Variants in SYN3 observed in about 807,000 individuals in gnomAD.
The protein encoded by SYN3 is synapsin-3.
Under a neutral mutation model 65.8 loss-of-function variants are expected in SYN3, and 35 were observed. That is an observed-to-expected ratio of 0.53 (90% confidence interval 0.41 to 0.70). The LOEUF (loss-of-function observed/expected upper bound fraction) is 0.70, where lower values mean the gene tolerates loss of function less well. Ranked by LOEUF, SYN3 falls within the 30% of genes least tolerant of loss-of-function variation. The pLI is 0.00. For missense variants in SYN3, 680 were observed against 749.0 expected (o/e 0.91, Z 1.08); for synonymous variants, 270 against 292.9 (o/e 0.92, Z 0.80).
intron 6 of SYN3, among the ~76,000 whole-genome samples, chr22:32,777,396 A>T (rs201535979): frequency 4.8e-4 from 7 of 14,590 alleles, no homozygotes; most frequent in African/African-American, 2.5e-3. Context: ...CTTTTTTTTT[A>T]ATCCAATTAT....
intron 6 of SYN3, among the ~76,000 whole-genome samples, chr22:32,814,808 T>C (rs1050500156): frequency 6.6e-6 from 1 of 152,204 alleles, no homozygotes; most frequent in Non-Finnish European, 1.5e-5. Flanking sequence ...AAAAACTAGA[T>C]TGATATTGCT....
Position 32,519,767 on chromosome 22 carries a change from C to T in SYN3, c.1319-1433G>A, listed in dbSNP as rs566526736. On this transcript the variant is annotated intron_variant, in intron 12 of 13. Transcript: ENST00000358763. ...ATTTTGCCAAAGCCGACTGGCTGCCCGTAGGTCTCTTCTCCCTACGACATG... is the reference window on the plus strand; with the variant it reads ...ATTTTGCCAAAGCCGACTGGCTGCCTGTAGGTCTCTTCTCCCTACGACATG... 9 of 152,364 alleles carry T rather than the reference C, an allele frequency of 5.9e-5. No individual in the cohort carries two copies. In the South Asian group the frequency reaches 1.7e-3, roughly 28 times the overall value. The allele number at this position is 152,364 out of a possible 1,614,324, so 9.4% of individuals were successfully genotyped here.
At chr22:32,780,983 T>TTTCCTTCCC (rs2046040743) in intron 6 of SYN3, among the ~76,000 whole-genome samples, 1 of 78,136 alleles carries the variant, frequency 1.3e-5, no homozygotes, top group Non-Finnish European at 2.7e-5. Context: ...CCTTCCCTCC[T>TTTCCTTCCC]TCCTTCCTCT....
chr22:32,573,801 G>A (rs1053521424), intron 7 of SYN3, among the ~76,000 whole-genome samples: 3 of 140,168 alleles, frequency 2.1e-5, no homozygotes, highest in South Asian at 2.3e-4. Context: ...ACAGAGTCTC[G>A]CTGTGTCGCC....
chr22:32,596,574 C>T (rs1258315871), intron 7 of SYN3, 100 bp downstream of exon 7: 2 of 1,234,112 alleles, frequency 1.6e-6, no homozygotes, highest in African/African-American at 1.5e-5. Context: ...TTCTGGGTGC[C>T]TGTGCTAAGG....
intron 6 of SYN3, among the ~76,000 whole-genome samples, chr22:32,747,678 A>G (rs1268547326): frequency 6.6e-6 from 1 of 152,192 alleles, no homozygotes; most frequent in Non-Finnish European, 1.5e-5. Context: ...TGAGCTCTGA[A>G]CCACCCACCA....
Position 32,777,796 on chromosome 22 carries a change from CT to C in SYN3, c.711+87118del, listed in dbSNP as rs904494826. Among the ~76,000 whole-genome samples, 16 of 151,930 alleles carry C rather than the reference CT, an allele frequency of 1.1e-4. No individual in the cohort carries two copies. The East Asian group carries it at 1.5e-3, about 15-fold the overall frequency. On this transcript the variant is annotated intron_variant, in intron 6 of 13. Coordinates refer to ENST00000358763, the MANE Select transcript of SYN3 (RefSeq NM_003490.4). Reference sequence around the variant, plus strand: ...ACTTAGTATTTTCTTTGAATTAACTCTTTTTTTTGTCTTACTTAAATGCTAG... The same window carrying C: ...ACTTAGTATTTTCTTTGAATTAACTCTTTTTTTGTCTTACTTAAATGCTAG...
At chr22:32,669,742 G>C (rs2060335809) in intron 6 of SYN3, among the ~76,000 whole-genome samples, 1 of 152,194 alleles carries the variant, frequency 6.6e-6, no homozygotes, top group South Asian at 2.1e-4. Flanking sequence ...GTGACCATAT[G>C]ATTATGTTCT....
intron 6 of SYN3, among the ~76,000 whole-genome samples, chr22:32,608,947 CTCT>C (rs1397368961): frequency 6.6e-6 from 1 of 152,108 alleles, no homozygotes; most frequent in East Asian, 1.9e-4. Flanking sequence ...ATAGCCATTG[CTCT>C]TTTTTTCTTC....
At position 32,767,062 on chromosome 22, in the gene SYN3, G is replaced by A. The variant is rs556743097; in HGVS notation, c.711+97853C>T. On this transcript the variant is annotated intron_variant, in intron 6 of 13. Transcript: ENST00000358763. ...AATCAGTTATAGGCCTGTGCCTTCC[G>A]GGATAGAATGAATCCTATTCTCCAA... Among the ~76,000 whole-genome samples, 5 of 152,066 alleles carry A rather than the reference G, an allele frequency of 3.3e-5. No individual in the cohort carries two copies. The East Asian group carries it at 5.8e-4, about 18-fold the overall frequency.
chr22:32,790,901 G>A (rs1326835801), intron 6 of SYN3, among the ~76,000 whole-genome samples: 1 of 152,098 alleles, frequency 6.6e-6, no homozygotes, highest in East Asian at 1.9e-4. Flanking sequence ...TCAAGGGAAC[G>A]GAATGAACAA....
In SYN3 at chr22:32,520,935, C is replaced by T. The variant is rs549000980; in HGVS notation, c.1319-2601G>A. ...TAAGGTCATTGGACTGAACATCAAA[C>T]ATCCCTCCCGATCTGAACATTTTTG... On this transcript the variant is annotated intron_variant, in intron 12 of 13. Coordinates refer to ENST00000358763, the MANE Select transcript of SYN3 (RefSeq NM_003490.4). 2.6e-5 allele frequency among the ~76,000 whole-genome samples: 4 copies of T among 152,280 alleles called. No homozygotes were observed. The East Asian group carries it at 5.8e-4, about 22-fold the overall frequency.
At chr22:32,597,845 T>G (rs1322846789) in intron 6 of SYN3, among the ~76,000 whole-genome samples, 2 of 152,152 alleles carry the variant, frequency 1.3e-5, no homozygotes, top group African/African-American at 4.8e-5. Flanking sequence ...GCATGCATGC[T>G]TCTCCCTCTG....
At chr22:32,663,938 C>G (rs1426147042) in intron 6 of SYN3, among the ~76,000 whole-genome samples, 5 of 136,690 alleles carry the variant, frequency 3.7e-5, no homozygotes, top group African/African-American at 6.2e-5. Context: ...CATTCCCCCC[C>G]CACACTGCAC....
At chr22:32,556,109 C>T (rs1314902335) in intron 7 of SYN3, among the ~76,000 whole-genome samples, 8 of 152,114 alleles carry the variant, frequency 5.3e-5, no homozygotes, top group Non-Finnish European at 8.8e-5. Flanking sequence ...AATTTTTTCA[C>T]GGCATTCTTA....
chr22:32,705,051 C>T (rs904797236), intron 6 of SYN3, among the ~76,000 whole-genome samples: 10 of 152,082 alleles, frequency 6.6e-5, no homozygotes, highest in Admixed American at 1.3e-4. Flanking sequence ...GAAGCTCTTA[C>T]GTTGAATTAG....
chr22:32,726,582 C>G (rs1187328537), intron 6 of SYN3, among the ~76,000 whole-genome samples: 1 of 152,228 alleles, frequency 6.6e-6, no homozygotes, highest in African/African-American at 2.4e-5. Flanking sequence ...CTGCCACTCC[C>G]TAGTGCATCT....
At chr22:32,556,821 T>TGTGTGTGTAGAGATGGGGTC (rs2058508086) in intron 7 of SYN3, among the ~76,000 whole-genome samples, 1 of 104,482 alleles carries the variant, frequency 9.6e-6, no homozygotes, top group African/African-American at 3.3e-5. Context: ...TTTTTTTTTT[T>TGTGTGTGTAGAGATGGGGTC]TTTTTTTTTT....
At chr22:32,863,407 G>T (rs890574771) in intron 6 of SYN3, among the ~76,000 whole-genome samples, 3 of 152,204 alleles carry the variant, frequency 2.0e-5, no homozygotes, top group African/African-American at 7.2e-5. Flanking sequence ...GGTGGGGAGG[G>T]GCGGCCTGCA....
Sources: gnomAD v4.1 joint callset for allele counts (sites outside exome capture counted in the v4.1 genomes callset) on GRCh38, gnomAD v4.1.1 for gene constraint, MANE v1.5 for transcripts, NCBI Gene and HGNC (gene_info 2026-07-23, HGNC 2026-07-21) for gene names.